DOP1B: variants seen among roughly 807,000 people sequenced by gnomAD.
DOP1B encodes protein DOP1B.
DOP1B carries 174 observed loss-of-function variants against 233.5 expected under a neutral mutation model. The observed-to-expected ratio is 0.75, with a 90% confidence interval of 0.66 to 0.85. DOP1B has a LOEUF of 0.85. Among genes scored for constraint, DOP1B ranks in the 40% least tolerant of loss-of-function variants. The pLI is 0.00. For synonymous variants in DOP1B, 1,190 were observed against 1,185.6 expected, an observed-to-expected ratio of 1.00 and a Z score of -0.08; for missense variants, 2,652 against 2,846.6, an observed-to-expected ratio of 0.93 and a Z score of 1.56.
intron 3 of DOP1B, among the ~76,000 whole-genome samples, chr21:36,199,749 C>T (rs972141923): frequency 3.9e-5 from 6 of 152,176 alleles, no homozygotes; most frequent in African/African-American, 1.4e-4. Flanking sequence ...ATCCATGTCC[C>T]TACAAAGGAC....
chr21:36,239,917 G>T lies in DOP1B; in HGVS notation c.3029G>T (p.Arg1010Ile), dbSNP rs2066873949. The change falls in exon 18 of 37, where the codon AGA becomes ATA. Residue 1010 changes from arginine (R) to isoleucine (I), a missense_variant. Around this residue, in one of 3 missense-constraint regions of DOP1B, gnomAD observed 2,617 missense variants for 2,794.3 expected, o/e 0.94. Coordinates refer to ENST00000691173, the MANE Select transcript of DOP1B (RefSeq NM_001320714.2). ...CTGCTGCTGCAGCCAAAAACCCAGA[G>T]AACCTCCATCCACTGCCTCAAGCAG... Reference protein sequence around the residue: ...LLLLLQPKTQRTSIHCLKQEN... With the variant: ...LLLLLQPKTQITSIHCLKQEN... 1 of 1,610,454 alleles carries T rather than the reference G, an allele frequency of 6.2e-7. No homozygotes were observed. The highest frequency in any genetic ancestry group is 1.7e-5 in the Admixed American group (1 of 59,804).
intron 15 of DOP1B, among the ~76,000 whole-genome samples, chr21:36,234,374 A>G (rs1367343421): frequency 2.6e-5 from 4 of 152,198 alleles, no homozygotes; most frequent in African/African-American, 4.8e-5. Context: ...AATTGAGATC[A>G]TGAATCTTTG....
rs1304210938 is a variant in DOP1B, at chr21:36,237,268, G to A, written c.2629G>A (p.Ala877Thr). 8.1e-6 allele frequency: 13 copies of A among 1,614,148 alleles called. No individual in the cohort carries two copies. Among genetic ancestry groups the A allele is most frequent in the Non-Finnish European group, 1.1e-5 (13 of 1,180,028 alleles). ...AEKTDFYQRV[A>T]RVLWNQLNKE... ...TGCCTTTTCCTTGTCCCAGAGGGTG[G>A]CTCGTGTGCTTTGGAATCAGCTGAA... is the stretch of plus-strand genomic sequence containing the variant. The change falls in exon 16 of 37, where the codon GCT (alanine) becomes ACT (threonine). Residue 877 changes from alanine to threonine, a missense_variant. Ala to Thr is a moderately conservative substitution (Grantham distance 58, BLOSUM62 0). This residue lies in a region of DOP1B where 2,617 missense variants were observed against 2,794.3 expected (regional missense o/e 0.94). Transcript: ENST00000691173.
chr21:36,187,978 A>C (rs1190034661), intron 2 of DOP1B, among the ~76,000 whole-genome samples: 2 of 152,122 alleles, frequency 1.3e-5, no homozygotes, highest in Non-Finnish European at 2.9e-5. Flanking sequence ...CTCCTACTCA[A>C]GCAGCATGGT....
In DOP1B at chr21:36,192,572, C is replaced by G. The variant is rs561238407; in HGVS notation, c.139-6498C>G. On this transcript the variant is annotated intron_variant, in intron 2 of 36. Transcript: ENST00000691173. ...TTTCTTTGTATTTTTTTAGTAGAGGCCGGTTTTTGCCATGTTGCCCAGGCT... is the reference window on the plus strand; with the variant it reads ...TTTCTTTGTATTTTTTTAGTAGAGGGCGGTTTTTGCCATGTTGCCCAGGCT... Among the ~76,000 whole-genome samples, 1,083 of 151,710 alleles carry G rather than the reference C, an allele frequency of 7.1e-3. 19 individuals carry two copies. The highest frequency in any genetic ancestry group is 0.025 in the African/African-American group (1,024 of 41,384).
intron 9 of DOP1B, among the ~76,000 whole-genome samples, chr21:36,214,805 A>G (rs2066541634): frequency 6.6e-6 from 1 of 152,170 alleles, no homozygotes; most frequent in African/African-American, 2.4e-5. Flanking sequence ...AAGGAAGATC[A>G]CTTGAGCTCA....
Position 36,199,255 on chromosome 21 carries a change from C to T in DOP1B, c.320+4C>T, listed in dbSNP as rs200190399. On this transcript the variant is annotated splice_donor_region_variant and intron_variant, in intron 3 of 36. Transcript: ENST00000691173. The stretch of plus-strand genomic sequence containing the variant: ...CCAAGGACTTGTTTCTGTACAGGTG[C>T]GATTGCTTCTCTGCTGTGTTCCTTT... The T allele has an allele frequency of 8.8e-5, 142 of 1,610,304 alleles. No homozygotes were observed. The highest frequency in any genetic ancestry group is 1.1e-4 in the Non-Finnish European group (129 of 1,178,482).
At chr21:36,167,940 CT>C (rs869190433) in intron 2 of DOP1B, among the ~76,000 whole-genome samples, 4,570 of 40,184 alleles carry the variant, frequency 0.11, 122 homozygotes, top group African/African-American at 0.24. Flanking sequence ...TTTTCTTTTT[CT>C]TTTTTTTTTT....
chr21:36,290,688 G>C (rs1336276689), intron 35 of DOP1B, among the ~76,000 whole-genome samples: 1 of 152,132 alleles, frequency 6.6e-6, no homozygotes, highest in Admixed American at 6.6e-5. Flanking sequence ...TACTTGGGAG[G>C]CTGAGGCAGG....
At chr21:36,213,803 G>C (rs929900511) in intron 7 of DOP1B, among the ~76,000 whole-genome samples, 1 of 151,292 alleles carries the variant, frequency 6.6e-6, no homozygotes, top group Non-Finnish European at 1.5e-5. Flanking sequence ...GCCTCCCAAA[G>C]TGCTGGGATT....
intron 2 of DOP1B, among the ~76,000 whole-genome samples, chr21:36,189,009 C>T: frequency 6.6e-6 from 1 of 152,108 alleles, no homozygotes; most frequent in East Asian, 1.9e-4. Context: ...ACCATCTTAA[C>T]CATTTTTAAG....
intron 4 of DOP1B, among the ~76,000 whole-genome samples, chr21:36,203,874 CT>C (rs34151956): frequency 0.029 from 4,021 of 140,480 alleles, 83 homozygotes; most frequent in African/African-American, 0.07. Flanking sequence ...GTCAGAAATC[CT>C]TTTTTTTTTT....
intron 23 of DOP1B, among the ~76,000 whole-genome samples, chr21:36,257,886 GGTAGGTAGGTAGAT>G (rs1416062338): frequency 1.3e-5 from 2 of 151,242 alleles, no homozygotes; most frequent in African/African-American, 2.4e-5. Flanking sequence ...GATGTAGTTA[GGTAGGTAGGTAGAT>G]GTAGGTAGGT....
At chr21:36,292,671 G>T (rs1272473556) in intron 36 of DOP1B, among the ~76,000 whole-genome samples, 1 of 149,246 alleles carries the variant, frequency 6.7e-6, no homozygotes, top group African/African-American at 2.5e-5. Context: ...GAGTGCAATG[G>T]CAGGATCTCA....
chr21:36,272,984 C>CAAAAAAA (rs1167312513), intron 27 of DOP1B, among the ~76,000 whole-genome samples: 2 of 56,928 alleles, frequency 3.5e-5, no homozygotes, highest in East Asian at 7.0e-4. Context: ...AACTCCATCT[C>CAAAAAAA]AAAAAAAAAA....
chr21:36,204,204 A>G (rs2066402845), intron 4 of DOP1B, among the ~76,000 whole-genome samples: 2 of 152,192 alleles, frequency 1.3e-5, no homozygotes, highest in African/African-American at 4.8e-5. Context: ...TTTACAATGC[A>G]CACAGGTGCC....
At chr21:36,287,916 C>T (rs532929780) in intron 32 of DOP1B, 98 bp from the exon 33 acceptor site, 183 of 1,445,968 alleles carry the variant, frequency 1.3e-4, no homozygotes, top group Non-Finnish European at 1.6e-4. Context: ...TGGGTTGTTA[C>T]TAGAATGTCA....
chr21:36,194,721 A>G (rs2066269507), intron 2 of DOP1B, among the ~76,000 whole-genome samples: 1 of 152,104 alleles, frequency 6.6e-6, no homozygotes, highest in African/African-American at 2.4e-5. Flanking sequence ...TCCTGACCTC[A>G]GGCGATCTGC....
At chr21:36,197,418 T>A (rs935484917) in intron 2 of DOP1B, among the ~76,000 whole-genome samples, 1 of 152,204 alleles carries the variant, frequency 6.6e-6, no homozygotes, top group Admixed American at 6.5e-5. Context: ...CCTGTGGTCA[T>A]GAGGCTGAGG....
Sources: gnomAD v4.1 joint callset for allele counts (sites outside exome capture counted in the v4.1 genomes callset) on GRCh38, gnomAD v4.1.1 for gene constraint, gnomAD v4.1.1 regional missense constraint, MANE v1.5 for transcripts, NCBI Gene and HGNC (gene_info 2026-07-23, HGNC 2026-07-21) for gene names.